GNAS-AS1: variants seen among roughly 807,000 people sequenced by gnomAD.
GNAS-AS1 encodes GNAS antisense RNA 1.
At chr20:58,838,102 A>G (rs2085620880) in intron 4 of GNAS-AS1, among the ~76,000 whole-genome samples, 1 of 152,176 alleles carries the variant, frequency 6.6e-6, no homozygotes, top group African/African-American at 2.4e-5. Context: ...AAGTGAAACA[A>G]CCTTCTTGAT....
At chr20:58,828,684 TTCTATGACA>T (rs749743099) in intron 4 of GNAS-AS1, among the ~76,000 whole-genome samples, 7 of 152,260 alleles carry the variant, frequency 4.6e-5, no homozygotes, top group Non-Finnish European at 1.0e-4. Context: ...CTTTTTCTGC[TTCTATGACA>T]GCCTTTCCAC....
chr20:58,827,896 A>G (rs1488785498), intron 4 of GNAS-AS1, among the ~76,000 whole-genome samples: 2 of 152,244 alleles, frequency 1.3e-5, no homozygotes, highest in Non-Finnish European at 2.9e-5. Context: ...CGAATATTTT[A>G]AAGCTATTAG....
chr20:58,845,285 C>T lies in GNAS-AS1; in HGVS notation n.414-2740G>A, dbSNP rs1423780733. ...CCTGAAAAAAATGGTATAGAAGCTA[C>T]AGCTATTTGAGATAAACCAGTTTTC... On this transcript the variant is annotated intron_variant and non_coding_transcript_variant, in intron 2 of 4. Coordinates refer to ENST00000424094, the Ensembl canonical transcript of GNAS-AS1. Among the ~76,000 whole-genome samples, 3 of 152,222 alleles carry T rather than the reference C, an allele frequency of 2.0e-5. No individual in the cohort carries two copies. The East Asian group carries it at 5.8e-4, about 29-fold the overall frequency.
chr20:58,850,866 GC>G, exon 1 of GNAS-AS1: 1 of 398,866 alleles, frequency 2.5e-6, no homozygotes, highest in Non-Finnish European at 4.4e-6. Context: ...AACCACCCCA[GC>G]AGCACCTCTT....
In GNAS-AS1 at chr20:58,840,739, G is replaced by A. The variant is rs778945290; in HGVS notation, n.819+1198C>T. 4 of 1,605,320 alleles carry A rather than the reference G, an allele frequency of 2.5e-6. No individual in the cohort carries two copies. Among genetic ancestry groups the A allele is most frequent in the Non-Finnish European group, 3.4e-6 (4 of 1,179,530 alleles). ...ACCCCGAAGAGTCGAAGGAGCCCAA[G>A]GAGGAGAAGCAGCGGCGTCGCTGCA... On this transcript the variant is annotated intron_variant and non_coding_transcript_variant, in intron 4 of 4. Transcript: ENST00000424094. This position sits in a 1 kb window ranked among gnomAD's most constrained non-coding sequence, Gnocchi z 6.0.
chr20:58,835,125 G>A lies in GNAS-AS1; in HGVS notation n.819+6812C>T, dbSNP rs2085594005. On this transcript the variant is annotated intron_variant and non_coding_transcript_variant, in intron 4 of 4. Coordinates refer to ENST00000424094, the Ensembl canonical transcript of GNAS-AS1. The stretch of plus-strand genomic sequence containing the variant: ...GGGGCCAATACCAAATTCTCGGTGG[G>A]GTTGAGCCTTACTGGCTGATTGCCA... Among the ~76,000 whole-genome samples, 3 of 150,980 alleles carry A rather than the reference G, an allele frequency of 2.0e-5. No individual in the cohort carries two copies. In the South Asian group the frequency reaches 6.4e-4, roughly 32 times the overall value.
At chr20:58,842,715 A>C (rs1050801252) in intron 2 of GNAS-AS1, among the ~76,000 whole-genome samples, 1 of 152,150 alleles carries the variant, frequency 6.6e-6, no homozygotes, top group Non-Finnish European at 1.5e-5. Context: ...GCTTTCTGTG[A>C]CATTAAGTGT....
chr20:58,845,553 C>T (rs1167455646), intron 2 of GNAS-AS1, among the ~76,000 whole-genome samples: 1 of 152,098 alleles, frequency 6.6e-6, no homozygotes, highest in Non-Finnish European at 1.5e-5. Context: ...ACAAAAAAAT[C>T]TGGTTCTGTC....
At chr20:58,839,814 G>A (rs1200370070) in intron 4 of GNAS-AS1, 1 of 585,618 alleles carries the variant, frequency 1.7e-6, no homozygotes, top group African/African-American at 1.9e-5. Context: ...TTAGGCTGCG[G>A]AATCTAAGAC....
chr20:58,842,224 G>T, exon 4 of GNAS-AS1: 1 of 398,536 alleles, frequency 2.5e-6, no homozygotes, highest in South Asian at 1.3e-4. Flanking sequence ...GTCCTGGGGG[G>T]AAAGACTGAT....
At chr20:58,850,683 C>T (rs1308396406) in exon 1 of GNAS-AS1, 1 of 398,928 alleles carries the variant, frequency 2.5e-6, no homozygotes, top group Non-Finnish European at 4.4e-6. Flanking sequence ...AGTGGCACCC[C>T]GTTGGCTGGG....
chr20:58,839,482 T>C, intron 4 of GNAS-AS1: 2 of 401,802 alleles, frequency 5.0e-6, no homozygotes. Context: ...CACGGGAGCC[T>C]GCGCCCACCT....
At chr20:58,833,505 C>G (rs1049865525) in intron 4 of GNAS-AS1, among the ~76,000 whole-genome samples, 1 of 152,166 alleles carries the variant, frequency 6.6e-6, no homozygotes, top group African/African-American at 2.4e-5. Context: ...ATTAGGAATC[C>G]TATCATCCTA....
Position 58,840,481 on chromosome 20 carries a change from C to G in GNAS-AS1, n.819+1456G>C. 6.2e-7 allele frequency: 1 copy of G among 1,613,544 alleles called. No individual in the cohort carries two copies. Among genetic ancestry groups the G allele is most frequent in the Non-Finnish European group, 8.5e-7 (1 of 1,179,968 alleles). ...CCGAAATCGAGTCCGAGACCGACTT[C>G]GAGACCGAGCCTGAGACCGCCCCCA... On this transcript the variant is annotated intron_variant and non_coding_transcript_variant, in intron 4 of 4. Transcript: ENST00000424094. The surrounding 1 kb of genome is among the most constrained non-coding windows in gnomAD (Gnocchi z 6.0).
At chr20:58,822,784 G>C (rs533545592) in intron 4 of GNAS-AS1, among the ~76,000 whole-genome samples, 2 of 151,784 alleles carry the variant, frequency 1.3e-5, no homozygotes, top group Non-Finnish European at 2.9e-5. Flanking sequence ...TAAATAAGTC[G>C]CCCCAAGGCC....
Position 58,838,382 on chromosome 20 carries a change from G to A in GNAS-AS1, n.819+3555C>T, listed in dbSNP as rs1013055775. On this transcript the variant is annotated intron_variant and non_coding_transcript_variant, in intron 4 of 4. Transcript: ENST00000424094. ...CAACACGATCTAGTGGTGTCTGACC[G>A]CCCCCTAGCCCTGATCCAATCATTT... Among the ~76,000 whole-genome samples the A allele has an allele frequency of 3.3e-5, 5 of 152,222 alleles. No individual in the cohort carries two copies. The South Asian group carries it at 6.2e-4, about 19-fold the overall frequency.
intron 2 of GNAS-AS1, among the ~76,000 whole-genome samples, chr20:58,847,589 T>C (rs1422321149): frequency 6.6e-6 from 1 of 152,216 alleles, no homozygotes; most frequent in African/African-American, 2.4e-5. Flanking sequence ...TTTTCCTCAA[T>C]TGAAAGAAAC....
chr20:58,846,856 A>G (rs1237027549), intron 2 of GNAS-AS1, among the ~76,000 whole-genome samples: 1 of 152,172 alleles, frequency 6.6e-6, no homozygotes, highest in East Asian at 1.9e-4. Context: ...AATTCCCACT[A>G]TGAATTGCAG....
Position 58,840,216 on chromosome 20 carries a change from G to C in GNAS-AS1, n.819+1721C>G, listed in dbSNP as rs975964450. The C allele has an allele frequency of 1.9e-6, 3 of 1,610,798 alleles. No homozygotes were observed. In the Admixed American group the frequency reaches 5.0e-5, roughly 27 times the overall value. ...GCCACCGCGCTCCTCTGGCTCTCCT[G>C]CTCCATCGCGCTCCTCCGCGCCCTT... On this transcript the variant is annotated intron_variant and non_coding_transcript_variant, in intron 4 of 4. Transcript: ENST00000424094. The surrounding 1 kb of genome is among the most constrained non-coding windows in gnomAD (Gnocchi z 6.0).
Sources: allele counts gnomAD v4.1 joint callset (sites outside exome capture counted in the v4.1 genomes callset), GRCh38; gene constraint gnomAD v4.1.1; non-coding constraint Gnocchi (gnomAD v3.1); transcripts MANE v1.5; gene names NCBI Gene and HGNC (gene_info 2026-07-23, HGNC 2026-07-21).